SLC4A4: variants seen among roughly 807,000 people sequenced by gnomAD.
SLC4A4 encodes electrogenic sodium bicarbonate cotransporter 1.
Under a neutral mutation model 111.5 loss-of-function variants are expected in SLC4A4, and 27 were observed. That is an observed-to-expected ratio of 0.24 (90% confidence interval 0.18 to 0.33). SLC4A4 has a LOEUF of 0.33. Ranked by LOEUF, SLC4A4 falls within the 10% of genes least tolerant of loss-of-function variation. The pLI is 1.00. For missense variants in SLC4A4, 909 were observed against 1,315.5 expected (o/e 0.69, Z 4.78); for synonymous variants, 443 against 463.4 (o/e 0.96, Z 0.57).
intron 1 of SLC4A4, among the ~76,000 whole-genome samples, chr4:71,190,904 A>G (rs1251164786): frequency 6.6e-6 from 1 of 152,228 alleles, no homozygotes; most frequent in Non-Finnish European, 1.5e-5. Context: ...ACGGTTCCAG[A>G]CTTATGATGT....
intron 16 of SLC4A4, among the ~76,000 whole-genome samples, chr4:71,505,582 G>A (rs1731346503): frequency 6.6e-6 from 1 of 151,640 alleles, no homozygotes; most frequent in African/African-American, 2.4e-5. Flanking sequence ...TATAGATGCT[G>A]GATATTAGAC....
intron 7 of SLC4A4, among the ~76,000 whole-genome samples, chr4:71,409,629 T>G (rs1421897403): frequency 1.3e-5 from 2 of 152,218 alleles, no homozygotes; most frequent in African/African-American, 4.8e-5. Flanking sequence ...TCCGAAAATT[T>G]GCAGCCTGAC....
chr4:71,514,350 C>A (rs1295017100), intron 16 of SLC4A4, among the ~76,000 whole-genome samples: 1 of 152,072 alleles, frequency 6.6e-6, no homozygotes, highest in Non-Finnish European at 1.5e-5. Flanking sequence ...CTGCTGCAGC[C>A]ATGTAGGACA....
intron 1 of SLC4A4, among the ~76,000 whole-genome samples, chr4:71,234,127 T>C (rs998966760): frequency 1.1e-4 from 16 of 152,226 alleles, no homozygotes; most frequent in Admixed American, 9.8e-4. Context: ...GTCATTTTTG[T>C]CTCTGCTCAG....
At chr4:71,439,376 C>T (rs1260147686) in intron 7 of SLC4A4, among the ~76,000 whole-genome samples, 1 of 125,154 alleles carries the variant, frequency 8.0e-6, no homozygotes, top group Non-Finnish European at 1.6e-5. Flanking sequence ...TGCAGTGAGC[C>T]GAGATCGCGC....
At chr4:71,560,332 T>A (rs1736860538) in intron 23 of SLC4A4, 78 bp downstream of exon 23, 3 of 1,460,152 alleles carry the variant, frequency 2.1e-6, no homozygotes, top group Non-Finnish European at 2.8e-6. Flanking sequence ...ATACCTGATG[T>A]GAAATGGAGG....
At chr4:71,419,576 C>T (rs565799970) in intron 7 of SLC4A4, among the ~76,000 whole-genome samples, 1 of 152,290 alleles carries the variant, frequency 6.6e-6, no homozygotes, top group Admixed American at 6.5e-5. Flanking sequence ...GGGAGTGACC[C>T]GATTTTCCAG....
chr4:71,500,828 T>A (rs1456806049), intron 16 of SLC4A4, among the ~76,000 whole-genome samples: 2 of 152,232 alleles, frequency 1.3e-5, no homozygotes, highest in African/African-American at 4.8e-5. Context: ...TTGGTCTAGA[T>A]GTCTGTTTTT....
chr4:71,175,748 G>GC (rs1004715271), intron 2 of SLC4A4, among the ~76,000 whole-genome samples: 1 of 128,210 alleles, frequency 7.8e-6, no homozygotes, highest in African/African-American at 3.2e-5. Context: ...CTCCACCTCT[G>GC]GGGGCAGGGC....
At chr4:71,556,833 T>G (rs944072286) in intron 21 of SLC4A4, among the ~76,000 whole-genome samples, 1 of 152,022 alleles carries the variant, frequency 6.6e-6, no homozygotes, top group African/African-American at 2.4e-5. Flanking sequence ...ACTTTTGCAC[T>G]TCTTTCCCTC....
intron 2 of SLC4A4, among the ~76,000 whole-genome samples, chr4:71,126,639 A>G (rs552189570): frequency 6.6e-6 from 1 of 152,376 alleles, no homozygotes; most frequent in Admixed American, 6.5e-5. Context: ...CAGTAAAAGT[A>G]AAACTAAAAA....
intron 6 of SLC4A4, among the ~76,000 whole-genome samples, chr4:71,372,643 AG>A (rs1317311272): frequency 1.3e-5 from 2 of 152,210 alleles, no homozygotes; most frequent in Non-Finnish European, 2.9e-5. Context: ...AAAGAAGAAA[AG>A]GAGGTTCAGA....
At chr4:71,385,368 T>G (rs1281261098) in intron 6 of SLC4A4, among the ~76,000 whole-genome samples, 1 of 151,292 alleles carries the variant, frequency 6.6e-6, no homozygotes, top group African/African-American at 2.4e-5. Context: ...CCGGCTAATT[T>G]TGTATTTTTA....
intron 7 of SLC4A4, among the ~76,000 whole-genome samples, chr4:71,400,340 G>A (rs1010648316): frequency 2.0e-5 from 3 of 152,096 alleles, no homozygotes; most frequent in Admixed American, 6.5e-5. Flanking sequence ...CATTTTTTGT[G>A]GGTATTGATT....
At chr4:71,245,263 G>A (rs1430337375) in intron 2 of SLC4A4, among the ~76,000 whole-genome samples, 1 of 152,162 alleles carries the variant, frequency 6.6e-6, no homozygotes, top group Non-Finnish European at 1.5e-5. Flanking sequence ...TTTATTGAGT[G>A]TGCACTAAGG....
chr4:71,466,979 G>GAGAGAGA (rs1363275518), intron 13 of SLC4A4, among the ~76,000 whole-genome samples: 635 of 145,756 alleles, frequency 4.4e-3, no homozygotes, highest in South Asian at 8.1e-3. Flanking sequence ...GAGAGAGAGA[G>GAGAGAGA]GTCTGAGTAT....
chr4:71,235,790 G>C (rs1719756825), intron 1 of SLC4A4, among the ~76,000 whole-genome samples: 1 of 152,154 alleles, frequency 6.6e-6, no homozygotes, highest in Non-Finnish European at 1.5e-5. Context: ...GGAGACAGGA[G>C]GACAGCATAA....
rs1401954147 is a variant in SLC4A4, at chr4:71,231,467, CAT to C, written c.-1-5108_-1-5107del. Among the ~76,000 whole-genome samples the C allele has an allele frequency of 3.3e-5, 5 of 152,304 alleles. No individual in the cohort carries two copies. The East Asian group carries it at 9.6e-4, about 29-fold the overall frequency. ...CCGGTCCTTTTGGCAGTAGATATGA[CAT>C]GTGTTACAGTTAAATCATTGTGGTG... On this transcript the variant is annotated intron_variant, in intron 1 of 25. Coordinates refer to ENST00000264485, the MANE Select transcript of SLC4A4 (RefSeq NM_001098484.3).
chr4:71,218,355 T>A (rs1445824489), intron 1 of SLC4A4, among the ~76,000 whole-genome samples: 5 of 152,234 alleles, frequency 3.3e-5, no homozygotes, highest in Non-Finnish European at 7.3e-5. Flanking sequence ...GTAACACTGG[T>A]ATTTATGCTC....
Sources: allele counts gnomAD v4.1 joint callset (sites outside exome capture counted in the v4.1 genomes callset), GRCh38; gene constraint gnomAD v4.1.1; transcripts MANE v1.5; gene names NCBI Gene and HGNC (gene_info 2026-07-23, HGNC 2026-07-21).